Variants in SIX1 observed in about 807,000 individuals in gnomAD.
SIX1 encodes SIX homeobox 1.
In SIX1, 11 loss-of-function variants were observed where a neutral mutation model predicts 26.5. The ratio of observed to expected loss-of-function variants is 0.41; its 90% CI spans 0.26 to 0.69. The LOEUF (loss-of-function observed/expected upper bound fraction) is 0.69. Ranked by LOEUF, SIX1 falls within the 30% of genes least tolerant of loss-of-function variation. The pLI, the probability that SIX1 is intolerant of heterozygous loss-of-function variation, is 0.28. For missense variants in SIX1, 333 were observed against 365.9 expected (o/e 0.91, Z 0.73); for synonymous variants, 177 against 166.2 (o/e 1.06, Z -0.50).
In SIX1 at chr14:60,648,158, A is replaced by G. The variant is rs1301400676; in HGVS notation, c.560+472T>C. The stretch of plus-strand genomic sequence containing the variant: ...AAAGACTATCAAGAGAGAGCTGTGG[A>G]GAACCAGGCGGGAGTGGGGGCAGAG... On this transcript the variant is annotated intron_variant, in intron 1 of 1. Transcript: ENST00000645694. This position sits in a 1 kb window ranked among gnomAD's most constrained non-coding sequence, Gnocchi z 7.9. 4.6e-5 allele frequency among the ~76,000 whole-genome samples: 7 copies of G among 152,244 alleles called. No homozygotes were observed. Among genetic ancestry groups the G allele is most frequent in the Non-Finnish European group, 8.8e-5 (6 of 68,044 alleles).
rs1594671402 is a variant in SIX1, at chr14:60,646,043, T to G, written c.*240A>C. The stretch of plus-strand genomic sequence containing the variant: ...TTTTTTTTTTTTTTTTTCCCTGATC[T>G]CTGCATTGGGAAGGAAAATGCAAAA... On this transcript the variant is annotated 3_prime_UTR_variant, in exon 2 of 2. Coordinates refer to ENST00000645694, the MANE Select transcript of SIX1 (RefSeq NM_005982.4). 3.0e-6 allele frequency: 1 copy of G among 334,358 alleles called. No homozygotes were observed. The highest frequency in any genetic ancestry group is 5.3e-6 in the Non-Finnish European group (1 of 187,296). The allele number at this position is 334,358 out of a possible 1,614,324, so 20.7% of individuals were successfully genotyped here. A position where few individuals can be genotyped will look rare whatever the true frequency, so the allele number is the denominator to read the frequency against.
In SIX1 at chr14:60,648,987, T is replaced by C. The variant is rs1293880867; in HGVS notation, c.203A>G (p.Lys68Arg). Residue 68 changes from lysine (K) to arginine (R), a missense_variant, in exon 1 of 2, where the codon AAG (lysine) becomes AGG (arginine). Physicochemically the swap from Lys to Arg is conservative, Grantham distance 26. Around this residue, in one of 3 missense-constraint regions of SIX1, gnomAD observed 133 missense variants for 131.8 expected, o/e 1.01. Transcript: ENST00000645694. The surrounding 1 kb of genome is among the most constrained non-coding windows in gnomAD (Gnocchi z 7.9). ...FHRGNFRELY[K>R]ILESHQFSPH... ...CGAGAACTGGTGGCTCTCCAGGATC[T>C]TGTAGAGCTCACGGAAGTTGCCGCG... 6.2e-7 allele frequency: 1 copy of C among 1,614,144 alleles called. No individual in the cohort carries two copies. Among genetic ancestry groups the C allele is most frequent in the Non-Finnish European group, 8.5e-7 (1 of 1,180,010 alleles).
At position 60,648,836 on chromosome 14, in the gene SIX1, C is replaced by A; in HGVS notation, c.354G>T (p.Pro118=). Residue 118 remains proline (P), a synonymous_variant, in exon 1 of 2, where the codon CCG becomes CCT. Coordinates refer to ENST00000645694, the MANE Select transcript of SIX1 (RefSeq NM_005982.4). This position sits in a 1 kb window ranked among gnomAD's most constrained non-coding sequence, Gnocchi z 7.9. ...TCTCCTCGCCGTCCCAGATGGTGCG[C>A]GGCAGTGGAAATTTTCGGCGCACCC... is the stretch of plus-strand genomic sequence containing the variant. ...KYRVRRKFPL[P]RTIWDGEETS... 1.2e-6 allele frequency: 2 copies of A among 1,614,226 alleles called. No individual in the cohort carries two copies. The highest frequency in any genetic ancestry group is 1.7e-6 in the Non-Finnish European group (2 of 1,180,042).
chr14:60,649,204 G>GGGGCGCACGGCCC lies in SIX1; in HGVS notation c.-28_-16dup, dbSNP rs1895013952. On this transcript the variant is annotated 5_prime_UTR_variant, in exon 1 of 2. Coordinates refer to ENST00000645694, the MANE Select transcript of SIX1 (RefSeq NM_005982.4). The surrounding 1 kb of genome is among the most constrained non-coding windows in gnomAD (Gnocchi z 5.1). ...AGCATCGACATGGCTGGGGCCTGCC[G>GGGGCGCACGGCCC]GGGCGCACGGCCCAGGCGCACGCGG... 6 of 1,602,476 alleles carry GGGGCGCACGGCCC rather than the reference G, an allele frequency of 3.7e-6. No individual in the cohort carries two copies. Among genetic ancestry groups the GGGGCGCACGGCCC allele is most frequent in the Non-Finnish European group, 5.1e-6 (6 of 1,179,124 alleles).
At position 60,647,132 on chromosome 14, in the gene SIX1, A is replaced by T. The variant is rs1012576979; in HGVS notation, c.561-555T>A. ...GTTGGTGGTTTTGCAGACACAGAAC[A>T]GGTCATGGGAAGTGGTGCCCAGCGC... On this transcript the variant is annotated intron_variant, in intron 1 of 1. Transcript: ENST00000645694. This position sits in a 1 kb window ranked among gnomAD's most constrained non-coding sequence, Gnocchi z 5.1. 6.6e-6 allele frequency among the ~76,000 whole-genome samples: 1 copy of T among 152,202 alleles called. No individual in the cohort carries two copies. The highest frequency in any genetic ancestry group is 2.4e-5 in the African/African-American group (1 of 41,464).
At position 60,643,675 on chromosome 14, in the gene SIX1, T is replaced by G. The variant is rs898280520; in HGVS notation, c.*2608A>C. On this transcript the variant is annotated 3_prime_UTR_variant, in exon 2 of 2. Transcript: ENST00000645694. ...CCCCTAATGATCTCTCTGAAATGAT[T>G]GCCAAAAAAACTCAAAGCAATATCC... 1 of 152,112 alleles carries G rather than the reference T, an allele frequency of 6.6e-6. No homozygotes were observed. Among genetic ancestry groups the G allele is most frequent in the Non-Finnish European group, 1.5e-5 (1 of 68,008 alleles). 9.4% of individuals were successfully genotyped at this position (152,112 alleles called of 1,614,324 possible).
rs188012253 is a variant in SIX1, at chr14:60,647,495, G to A, written c.561-918C>T. Among the ~76,000 whole-genome samples, 1 of 152,262 alleles carries A rather than the reference G, an allele frequency of 6.6e-6. No homozygotes were observed. The highest frequency in any genetic ancestry group is 1.5e-5 in the Non-Finnish European group (1 of 68,018). On this transcript the variant is annotated intron_variant, in intron 1 of 1. Coordinates refer to ENST00000645694, the MANE Select transcript of SIX1 (RefSeq NM_005982.4). The surrounding 1 kb of genome is among the most constrained non-coding windows in gnomAD (Gnocchi z 5.1). The stretch of plus-strand genomic sequence containing the variant: ...TTCCCTCGCCGCTTCCGCCTTCCGA[G>A]TGCTCGTCAGTCCTCCCGACTCCTA...
chr14:60,646,166 G>A lies in SIX1; in HGVS notation c.*117C>T, dbSNP rs1023250770. Reference sequence around the variant, plus strand: ...GTGAAAGTCCACCATTCCTTTATGCGCAAACAACTCCAGAAACAAGCTGCA... The same window carrying A: ...GTGAAAGTCCACCATTCCTTTATGCACAAACAACTCCAGAAACAAGCTGCA... On this transcript the variant is annotated 3_prime_UTR_variant, in exon 2 of 2. Coordinates refer to ENST00000645694, the MANE Select transcript of SIX1 (RefSeq NM_005982.4). The A allele has an allele frequency of 3.3e-5, 32 of 966,900 alleles. No homozygotes were observed. Among genetic ancestry groups the A allele is most frequent in the Admixed American group, 8.2e-5 (3 of 36,446 alleles). The allele number at this position is 966,900 out of a possible 1,614,324, so 59.9% of individuals were successfully genotyped here. A position where few individuals can be genotyped will look rare whatever the true frequency, so the allele number is the denominator to read the frequency against.
In SIX1 at chr14:60,648,778, C is replaced by T; in HGVS notation, c.412G>A (p.Val138Ile). ...SYCFKEKSRG[V>I]LREWYAHNPY... ...TTGTGCGCGTACCACTCCCGCAGGA[C>T]ACCCCTCGACTTCTCCTTGAAGCAG... Residue 138 changes from valine to isoleucine, a missense_variant, in exon 1 of 2, where the codon GTC (valine) becomes ATC (isoleucine). Physicochemically the swap from Val to Ile is conservative, Grantham distance 29. This residue lies in a region of SIX1 where 199 missense variants were observed against 215.2 expected (regional missense o/e 0.92). Transcript: ENST00000645694. This position sits in a 1 kb window ranked among gnomAD's most constrained non-coding sequence, Gnocchi z 7.9. The T allele has an allele frequency of 6.2e-7, 1 of 1,614,184 alleles. No homozygotes were observed. Among genetic ancestry groups the T allele is most frequent in the Non-Finnish European group, 8.5e-7 (1 of 1,180,008 alleles).
At position 60,643,622 on chromosome 14, in the gene SIX1, C is replaced by T. The variant is rs1894895112; in HGVS notation, c.*2661G>A. 1 of 151,826 alleles carries T rather than the reference C, an allele frequency of 6.6e-6. No homozygotes were observed. Among genetic ancestry groups the T allele is most frequent in the Admixed American group, 6.6e-5 (1 of 15,248 alleles). The allele number at this position is 151,826 out of a possible 1,614,324, so 9.4% of individuals were successfully genotyped here. ...AACAGCTGGTTCTCGAAGATTTCCT[C>T]GAGGGAAGAAAAAAATATGGTTAGT... is the stretch of plus-strand genomic sequence containing the variant. On this transcript the variant is annotated 3_prime_UTR_variant, in exon 2 of 2. Transcript: ENST00000645694.
In SIX1 at chr14:60,644,090, T is replaced by TA. The variant is rs1159125109; in HGVS notation, c.*2192dup. 1 of 152,126 alleles carries TA rather than the reference T, an allele frequency of 6.6e-6. No individual in the cohort carries two copies. Among genetic ancestry groups the TA allele is most frequent in the Non-Finnish European group, 1.5e-5 (1 of 68,020 alleles). 9.4% of individuals were successfully genotyped at this position (152,126 alleles called of 1,614,324 possible). A position where few individuals can be genotyped will look rare whatever the true frequency, so the allele number is the denominator to read the frequency against. On this transcript the variant is annotated 3_prime_UTR_variant, in exon 2 of 2. Transcript: ENST00000645694. ...TAGGAAGAGACGGCATGTAAGAAAT[T>TA]AAAGTAATTGGCCCTTCCTATTTTC...
chr14:60,648,486 C>T lies in SIX1; in HGVS notation c.560+144G>A. On this transcript the variant is annotated intron_variant, in intron 1 of 1. Transcript: ENST00000645694. This position sits in a 1 kb window ranked among gnomAD's most constrained non-coding sequence, Gnocchi z 7.9. ...AGTTCATGAACTTTCGCTGCAGCGC[C>T]GCGGAGGGCCTGCGCGCCGCCCCGT... 2.7e-6 allele frequency: 2 copies of T among 733,746 alleles called. No homozygotes were observed. Among genetic ancestry groups the T allele is most frequent in the Admixed American group, 2.7e-5 (1 of 36,988 alleles). The allele number at this position is 733,746 out of a possible 1,614,324, so 45.5% of individuals were successfully genotyped here. A position where few individuals can be genotyped will look rare whatever the true frequency, so the allele number is the denominator to read the frequency against.
In SIX1 at chr14:60,647,787, A is replaced by G. The variant is rs762218419; in HGVS notation, c.560+843T>C. On this transcript the variant is annotated intron_variant, in intron 1 of 1. Transcript: ENST00000645694. This position sits in a 1 kb window ranked among gnomAD's most constrained non-coding sequence, Gnocchi z 5.1. Reference sequence around the variant, plus strand: ...CTTCTGAATCTCTGTCCGAAACGCTATAGAGAACAGAAGGAGCCTGCCCAG... The same window carrying G: ...CTTCTGAATCTCTGTCCGAAACGCTGTAGAGAACAGAAGGAGCCTGCCCAG... Among the ~76,000 whole-genome samples the G allele has an allele frequency of 2.6e-5, 4 of 152,206 alleles. No individual in the cohort carries two copies. Among genetic ancestry groups the G allele is most frequent in the Non-Finnish European group, 4.4e-5 (3 of 68,020 alleles).
At position 60,646,331 on chromosome 14, in the gene SIX1, G is replaced by A; in HGVS notation, c.807C>T (p.Asp269=). ...TGGAGGTGAGGGGGCCGAGCAGAGA[G>A]TCTTGGAGCTGATGCTGGTGGGTCT... ...GLQTHQHQLQ[D]SLLGPLTSSL... is the part of the protein sequence containing the mutation. The change falls in exon 2 of 2, where the codon GAC becomes GAT. Residue 269 remains aspartate, a synonymous_variant. Coordinates refer to ENST00000645694, the MANE Select transcript of SIX1 (RefSeq NM_005982.4). 6.2e-7 allele frequency: 1 copy of A among 1,614,036 alleles called. No homozygotes were observed. The highest frequency in any genetic ancestry group is 8.5e-7 in the Non-Finnish European group (1 of 1,180,004).
At position 60,649,227 on chromosome 14, in the gene SIX1, C is replaced by T. The variant is rs2140241601; in HGVS notation, c.-38G>A. On this transcript the variant is annotated 5_prime_UTR_variant, in exon 1 of 2. Coordinates refer to ENST00000645694, the MANE Select transcript of SIX1 (RefSeq NM_005982.4). This position sits in a 1 kb window ranked among gnomAD's most constrained non-coding sequence, Gnocchi z 5.1. ...CCGGGGCGCACGGCCCAGGCGCACG[C>T]GGCAGGGAGCAGAGCCGAGAGGCAG... 6.3e-7 allele frequency: 1 copy of T among 1,588,690 alleles called. No homozygotes were observed. Among genetic ancestry groups the T allele is most frequent in the African/African-American group, 1.3e-5 (1 of 74,738 alleles).
At position 60,649,268 on chromosome 14, in the gene SIX1, G is replaced by C; in HGVS notation, c.-79C>G. 7.5e-7 allele frequency: 1 copy of C among 1,334,730 alleles called. No individual in the cohort carries two copies. Among genetic ancestry groups the C allele is most frequent in the Admixed American group, 2.1e-5 (1 of 47,902 alleles). The allele number at this position is 1,334,730 out of a possible 1,614,324, so 82.7% of individuals were successfully genotyped here. On this transcript the variant is annotated 5_prime_UTR_variant, in exon 1 of 2. Transcript: ENST00000645694. This position sits in a 1 kb window ranked among gnomAD's most constrained non-coding sequence, Gnocchi z 5.1. ...CGAGAGGCAGGGGGCGGCGGCCGCA[G>C]GGAGGGGGGCGCGGCTGTTCCTAAC...
Position 60,646,259 on chromosome 14 carries a change from T to C in SIX1, c.*24A>G. 6.2e-7 allele frequency: 1 copy of C among 1,607,838 alleles called. No individual in the cohort carries two copies. The highest frequency in any genetic ancestry group is 8.5e-7 in the Non-Finnish European group (1 of 1,176,626). ...CAGTGGTTGCTGCTCCAGGAATCCC[T>C]TCGAGGCCCCAGTCCCTCCCCACTT... On this transcript the variant is annotated 3_prime_UTR_variant, in exon 2 of 2. Coordinates refer to ENST00000645694, the MANE Select transcript of SIX1 (RefSeq NM_005982.4).
In SIX1 at chr14:60,647,419, C is replaced by A. The variant is rs1393519208; in HGVS notation, c.561-842G>T. Among the ~76,000 whole-genome samples the A allele has an allele frequency of 6.6e-6, 1 of 152,194 alleles. No homozygotes were observed. The highest frequency in any genetic ancestry group is 1.5e-5 in the Non-Finnish European group (1 of 68,028). On this transcript the variant is annotated intron_variant, in intron 1 of 1. Coordinates refer to ENST00000645694, the MANE Select transcript of SIX1 (RefSeq NM_005982.4). The surrounding 1 kb of genome is among the most constrained non-coding windows in gnomAD (Gnocchi z 5.1). ...GCACAGGCTGCCAGCGGGCGCGGCGCGCTGGGGCGTCAGTCCGGGCACTCG... is the reference window on the plus strand; with the variant it reads ...GCACAGGCTGCCAGCGGGCGCGGCGAGCTGGGGCGTCAGTCCGGGCACTCG...
At position 60,644,424 on chromosome 14, in the gene SIX1, CTTTAT is replaced by C. The variant is rs1377499932; in HGVS notation, c.*1854_*1858del. The C allele has an allele frequency of 6.6e-6, 1 of 152,154 alleles. No homozygotes were observed. The highest frequency in any genetic ancestry group is 1.9e-4 in the East Asian group (1 of 5,200). The allele number at this position is 152,154 out of a possible 1,614,324, so 9.4% of individuals were successfully genotyped here. A position where few individuals can be genotyped will look rare whatever the true frequency, so the allele number is the denominator to read the frequency against. ...GTCCATCACTGAGGGGGAAAAACGA[CTTTAT>C]AAGTAAAAGTGTGTACAGTTAAGTA... On this transcript the variant is annotated 3_prime_UTR_variant, in exon 2 of 2. Coordinates refer to ENST00000645694, the MANE Select transcript of SIX1 (RefSeq NM_005982.4).
Sources: allele counts gnomAD v4.1 joint callset (sites outside exome capture counted in the v4.1 genomes callset), GRCh38; gene constraint gnomAD v4.1.1; regional missense constraint gnomAD v4.1.1; non-coding constraint Gnocchi (gnomAD v3.1); transcripts MANE v1.5; gene names NCBI Gene and HGNC (gene_info 2026-07-23, HGNC 2026-07-21).